Variants in ABLIM1 observed in about 807,000 individuals in gnomAD.
The protein encoded by ABLIM1 is actin binding LIM protein 1, also known as actin-binding LIM protein 1.
In ABLIM1, 40 loss-of-function variants were observed where a neutral mutation model predicts 107.0. The observed-to-expected ratio is 0.37, with a 90% CI of 0.29 to 0.49. The LOEUF is 0.49. ABLIM1 is among the 20% of genes least tolerant of loss of function. ABLIM1 has a pLI of 0.97. For missense variants in ABLIM1, 857 were observed against 1,008.5 expected (o/e 0.85, Z 2.04); for synonymous variants, 357 against 357.3 (o/e 1.00, Z 0.01).
chr10:114,457,550 C>T (rs369560754), intron 12 of ABLIM1, among the ~76,000 whole-genome samples: 14 of 152,206 alleles, frequency 9.2e-5, no homozygotes, highest in African/African-American at 3.1e-4. Flanking sequence ...GGATTACAGG[C>T]GTGAGATACT....
Position 114,571,294 on chromosome 10 carries a change from T to G in ABLIM1, c.673+3A>C. On this transcript the variant is annotated splice_donor_region_variant and intron_variant, in intron 4 of 22. Coordinates refer to ENST00000533213, the MANE Select transcript of ABLIM1 (RefSeq NM_002313.7). ...CACGTCAGTGGGTCACCGGGGCACTTACTGCTGGAGAAGGTGGTTTCTTTC... is the reference window on the plus strand; with the variant it reads ...CACGTCAGTGGGTCACCGGGGCACTGACTGCTGGAGAAGGTGGTTTCTTTC... 6.2e-7 allele frequency: 1 copy of G among 1,614,102 alleles called. No individual in the cohort carries two copies. The highest frequency in any genetic ancestry group is 8.5e-7 in the Non-Finnish European group (1 of 1,179,940).
At chr10:114,489,595 C>A (rs2058658725) in intron 7 of ABLIM1, among the ~76,000 whole-genome samples, 1 of 152,134 alleles carries the variant, frequency 6.6e-6, no homozygotes, top group African/African-American at 2.4e-5. Context: ...AGGCTAACTA[C>A]AAAGCACAGG....
chr10:114,655,417 C>A (rs2079454310), intron 1 of ABLIM1, among the ~76,000 whole-genome samples: 1 of 152,208 alleles, frequency 6.6e-6, no homozygotes, highest in African/African-American at 2.4e-5. Context: ...TGCCTTCCTG[C>A]CTTCTCCTCC....
At chr10:114,516,542 C>T (rs2062847871) in intron 6 of ABLIM1, among the ~76,000 whole-genome samples, 1 of 152,124 alleles carries the variant, frequency 6.6e-6, no homozygotes. Context: ...GCCAAAACAA[C>T]AAAAACTGTT....
intron 8 of ABLIM1, among the ~76,000 whole-genome samples, chr10:114,485,716 A>C (rs1565539905): frequency 6.6e-6 from 1 of 152,216 alleles, no homozygotes; most frequent in Non-Finnish European, 1.5e-5. Flanking sequence ...TGTTGTTACA[A>C]ATGCCCCATG....
chr10:114,799,731 T>A, the ABLIM1 span, among the ~76,000 whole-genome samples: 1 of 152,220 alleles, frequency 6.6e-6, no homozygotes, highest in Non-Finnish European at 1.5e-5. Flanking sequence ...CCTGCTTCCA[T>A]TCTTGCCTTT....
At chr10:114,637,497 AAT>A (rs1193529235) in intron 1 of ABLIM1, among the ~76,000 whole-genome samples, 1 of 152,238 alleles carries the variant, frequency 6.6e-6, no homozygotes, top group Non-Finnish European at 1.5e-5. Context: ...TCATAGAATC[AAT>A]GCCCGGCAAA....
chr10:114,510,332 C>G (rs111747088), intron 6 of ABLIM1, among the ~76,000 whole-genome samples: 2,346 of 150,692 alleles, frequency 0.016, 95 homozygotes, highest in African/African-American at 0.055. Flanking sequence ...CTCCAGCTCC[C>G]CTGGACTTAG....
intron 2 of ABLIM1, among the ~76,000 whole-genome samples, chr10:114,598,274 C>CAA (rs58133284): frequency 0.39 from 24,866 of 63,506 alleles, 5,202 homozygotes; most frequent in Non-Finnish European, 0.48. Flanking sequence ...AACTCCATCT[C>CAA]AAAAAAAAAA....
chr10:114,789,267 AAAG>A, the ABLIM1 span, among the ~76,000 whole-genome samples: 1 of 152,284 alleles, frequency 6.6e-6, no homozygotes, highest in East Asian at 1.9e-4. Flanking sequence ...AAAAAATAAA[AAAG>A]AAGAGAAAAA....
intron 1 of ABLIM1, among the ~76,000 whole-genome samples, chr10:114,613,451 C>G (rs926210855): frequency 6.6e-6 from 1 of 152,204 alleles, no homozygotes; most frequent in African/African-American, 2.4e-5. Context: ...CTTTACAGAT[C>G]AGGGCCTTCC....
intron 6 of ABLIM1, among the ~76,000 whole-genome samples, chr10:114,499,263 A>G (rs2060075658): frequency 6.6e-6 from 1 of 152,258 alleles, no homozygotes; most frequent in African/African-American, 2.4e-5. Context: ...CCCTTGAGAA[A>G]TACCAAAGAC....
chr10:114,618,854 A>G (rs1057150311), intron 1 of ABLIM1, among the ~76,000 whole-genome samples: 2 of 152,162 alleles, frequency 1.3e-5, no homozygotes, highest in African/African-American at 4.8e-5. Context: ...AAACTACCAT[A>G]TTAGTGTTGC....
chr10:114,473,451 T>C (rs764706853), intron 9 of ABLIM1, among the ~76,000 whole-genome samples: 5 of 152,192 alleles, frequency 3.3e-5, no homozygotes, highest in Non-Finnish European at 7.3e-5. Context: ...CCAATAATCC[T>C]CTCAGATGGC....
At chr10:114,575,778 A>G (rs1682954272) in intron 2 of ABLIM1, among the ~76,000 whole-genome samples, 179 bp from the exon 3 acceptor site, 1 of 152,216 alleles carries the variant, frequency 6.6e-6, no homozygotes, top group Non-Finnish European at 1.5e-5. Context: ...GAGCTATGCA[A>G]TATCTCATAC....
At chr10:114,781,608 A>C in the ABLIM1 span, among the ~76,000 whole-genome samples, 1 of 150,396 alleles carries the variant, frequency 6.6e-6, no homozygotes, top group Non-Finnish European at 1.5e-5. Flanking sequence ...ATATATGTAT[A>C]TATGTGTGTG....
chr10:114,566,979 G>A (rs536053266), intron 4 of ABLIM1, among the ~76,000 whole-genome samples: 1 of 152,302 alleles, frequency 6.6e-6, no homozygotes, highest in East Asian at 1.9e-4. Context: ...AACCTGGGAG[G>A]CAGAGGTTGC....
chr10:114,599,832 A>G, intron 2 of ABLIM1, among the ~76,000 whole-genome samples: 1 of 151,750 alleles, frequency 6.6e-6, no homozygotes, highest in East Asian at 1.9e-4. Flanking sequence ...TAAATAAAAT[A>G]AAAAATATAT....
At chr10:114,450,439 T>C (rs560978316) in intron 14 of ABLIM1, among the ~76,000 whole-genome samples, 555 of 141,428 alleles carry the variant, frequency 3.9e-3, no homozygotes, top group Non-Finnish European at 6.5e-3. Flanking sequence ...TTCTTTCTTT[T>C]TTTTTTTTTT....
Sources: allele counts gnomAD v4.1 joint callset (sites outside exome capture counted in the v4.1 genomes callset), GRCh38; gene constraint gnomAD v4.1.1; transcripts MANE v1.5; gene names NCBI Gene and HGNC (gene_info 2026-07-23, HGNC 2026-07-21).